Variants in PLSCR2 observed in about 807,000 individuals in gnomAD.
PLSCR2 encodes the protein PL scramblase 2.
Under a neutral mutation model 25.3 loss-of-function variants are expected in PLSCR2, and 18 were observed. The ratio of observed to expected loss-of-function variants is 0.71; its 90% CI spans 0.49 to 1.06. The LOEUF (loss-of-function observed/expected upper bound fraction) is 1.06. Among genes scored for constraint, PLSCR2 ranks in the 50% least tolerant of loss-of-function variants. PLSCR2 has a pLI of 0.00. For synonymous variants in PLSCR2, 88 were observed against 87.3 expected, an observed-to-expected ratio of 1.01 and a Z score of -0.04; for missense variants, 243 against 269.5, an observed-to-expected ratio of 0.90 and a Z score of 0.69.
chr3:146,495,472 G>GT (rs1186335395), intron 1 of PLSCR2, among the ~76,000 whole-genome samples: 1 of 152,144 alleles, frequency 6.6e-6, no homozygotes, highest in East Asian at 1.9e-4. Flanking sequence ...ACTCCCAGAG[G>GT]TTTTAGGAAG....
At chr3:146,494,566 G>C (rs761204708) in intron 1 of PLSCR2, 29 of 152,040 alleles carry the variant, frequency 1.9e-4, no homozygotes, top group Non-Finnish European at 3.2e-4. Flanking sequence ...CAGTTGTTTT[G>C]TCAAAGAATC....
chr3:146,448,037 C>A (rs7629192), intron 6 of PLSCR2, among the ~76,000 whole-genome samples: 1 of 152,272 alleles, frequency 6.6e-6, no homozygotes, highest in African/African-American at 2.4e-5. Context: ...TCTCTCTCCA[C>A]CAGAAAGCCA....
chr3:146,471,582 TC>T (rs1377247064), intron 1 of PLSCR2, among the ~76,000 whole-genome samples: 11 of 151,564 alleles, frequency 7.3e-5, no homozygotes, highest in African/African-American at 2.4e-4. Flanking sequence ...TTTTTTTTTT[TC>T]TGAGACAGAG....
At position 146,469,578 on chromosome 3, in the gene PLSCR2, G is replaced by T. The variant is rs1432726831; in HGVS notation, c.-292-9294C>A. ...CTCCCGTCTGCCCCGTGACTGCCAG[G>T]CACACCTGTTGCACAGCCCTCCCGG... On this transcript the variant is annotated intron_variant, in intron 1 of 8. Coordinates refer to the PLSCR2 transcript ENST00000336685. 1.0e-6 allele frequency: 1 copy of T among 985,292 alleles called. No individual in the cohort carries two copies. Among genetic ancestry groups the T allele is most frequent in the Admixed American group, 6.1e-5 (1 of 16,270 alleles). 61.0% of individuals were successfully genotyped at this position (985,292 alleles called of 1,614,324 possible).
chr3:146,484,610 G>A (rs1373507880), intron 1 of PLSCR2, among the ~76,000 whole-genome samples: 1 of 152,088 alleles, frequency 6.6e-6, no homozygotes, highest in Admixed American at 6.6e-5. Flanking sequence ...AACCCTATAA[G>A]CCAGAAGAGA....
intron 2 of PLSCR2, among the ~76,000 whole-genome samples, chr3:146,398,136 T>G (rs574413006): frequency 2.6e-5 from 4 of 151,990 alleles, no homozygotes; most frequent in Non-Finnish European, 5.9e-5. Context: ...TTAAGAATCT[T>G]CAGGTTTGAA....
At chr3:146,461,898 G>C (rs987053620), upstream of PLSCR2, 1 of 1,509,652 alleles carries the variant, frequency 6.6e-7, no homozygotes, top group Non-Finnish European at 8.9e-7. Flanking sequence ...GTTTTCAGGA[G>C]TGCCCAGTAC....
At chr3:146,446,521 CTG>C (rs1158597829) in intron 6 of PLSCR2, among the ~76,000 whole-genome samples, 1 of 152,170 alleles carries the variant, frequency 6.6e-6, no homozygotes, top group Non-Finnish European at 1.5e-5. Flanking sequence ...AGGAGCGTCT[CTG>C]TGCTGAGCTG....
At chr3:146,414,403 G>A (rs1018058053) in intron 2 of PLSCR2, among the ~76,000 whole-genome samples, 3 of 152,042 alleles carry the variant, frequency 2.0e-5, no homozygotes, top group African/African-American at 7.2e-5. Context: ...CTTGTTTATT[G>A]TAATTACTTA....
intron 5 of PLSCR2, among the ~76,000 whole-genome samples, chr3:146,453,271 TCA>T (rs148166381): frequency 0.028 from 4,260 of 152,194 alleles, 224 homozygotes; most frequent in African/African-American, 0.097. Flanking sequence ...TTTTTATTCC[TCA>T]TTTTGTGGAA....
At chr3:146,450,469 G>T (rs972802081) in intron 5 of PLSCR2, among the ~76,000 whole-genome samples, 1 of 152,160 alleles carries the variant, frequency 6.6e-6, no homozygotes, top group African/African-American at 2.4e-5. Flanking sequence ...TCCTCCCATT[G>T]TAGTCTGAAG....
intron 1 of PLSCR2, among the ~76,000 whole-genome samples, chr3:146,495,517 G>A (rs951746815): frequency 1.3e-5 from 2 of 152,150 alleles, no homozygotes; most frequent in Admixed American, 1.3e-4. Flanking sequence ...CCACAAGGGA[G>A]GAGTTCTCAG....
chr3:146,393,733 C>T (rs531789149), intron 3 of PLSCR2, among the ~76,000 whole-genome samples: 4 of 143,346 alleles, frequency 2.8e-5, no homozygotes, highest in East Asian at 4.5e-4. Flanking sequence ...CGCTTGAACC[C>T]GGGAGGCAGA....
At chr3:146,403,559 T>G (rs1256890492) in intron 2 of PLSCR2, among the ~76,000 whole-genome samples, 1 of 152,204 alleles carries the variant, frequency 6.6e-6, no homozygotes, top group Admixed American at 6.5e-5. Flanking sequence ...TTTGCTGTTT[T>G]TGTGACTTCT....
chr3:146,475,019 A>G (rs1576717963), intron 1 of PLSCR2, among the ~76,000 whole-genome samples: 1 of 151,850 alleles, frequency 6.6e-6, no homozygotes, highest in East Asian at 1.9e-4. Context: ...TAAACTGGTT[A>G]TTCTAGTTAG....
intron 2 of PLSCR2, among the ~76,000 whole-genome samples, chr3:146,427,763 C>T (rs563770265): frequency 1.3e-5 from 2 of 152,224 alleles, no homozygotes; most frequent in Non-Finnish European, 2.9e-5. Flanking sequence ...ACCTTGAACT[C>T]GATCATAACA....
intron 3 of PLSCR2, 97 bp downstream of exon 3, chr3:146,458,314 C>T: frequency 1.9e-6 from 2 of 1,050,568 alleles, no homozygotes; most frequent in Non-Finnish European, 2.7e-6. Flanking sequence ...TACCATCCCA[C>T]ATCACTCGGA....
intron 2 of PLSCR2, among the ~76,000 whole-genome samples, chr3:146,414,308 G>A (rs570982779): frequency 6.6e-6 from 1 of 152,312 alleles, no homozygotes; most frequent in African/African-American, 2.4e-5. Context: ...CACAGCAAAT[G>A]TATTCCTCAC....
intron 2 of PLSCR2, among the ~76,000 whole-genome samples, chr3:146,422,555 A>G (rs1238179698): frequency 1.3e-5 from 2 of 152,006 alleles, no homozygotes; most frequent in African/African-American, 2.4e-5. Context: ...CGGGTTTCCC[A>G]TTGATGGAAC....
Sources: gnomAD v4.1 joint callset for allele counts (sites outside exome capture counted in the v4.1 genomes callset) on GRCh38, gnomAD v4.1.1 for gene constraint, MANE v1.5 for transcripts, NCBI Gene and HGNC (gene_info 2026-07-23, HGNC 2026-07-21) for gene names.